The following AFF3 variants were observed in gnomAD, a reference collection of about 807,000 sequenced individuals.
The protein encoded by AFF3 is AF4/FMR2 family member 3.
AFF3 carries 32 observed loss-of-function variants against 129.7 expected under a neutral mutation model. The observed-to-expected ratio is 0.25, with a 90% CI of 0.19 to 0.33. The LOEUF (loss-of-function observed/expected upper bound fraction) is 0.33. Ranked by LOEUF, AFF3 falls within the 10% of genes least tolerant of loss-of-function variation. AFF3 has a pLI of 1.00. For missense variants in AFF3, 1,373 were observed against 1,592.0 expected (o/e 0.86, Z 2.34); for synonymous variants, 644 against 635.4 (o/e 1.01, Z -0.20).
chr2:99,930,605 G>C (rs1169113912), intron 7 of AFF3, among the ~76,000 whole-genome samples: 1 of 151,942 alleles, frequency 6.6e-6, no homozygotes, highest in Admixed American at 6.6e-5. Flanking sequence ...CTACATTTCT[G>C]CACTGGGGGA....
At chr2:99,587,880 C>T (rs1678286223) in intron 15 of AFF3, among the ~76,000 whole-genome samples, 1 of 151,824 alleles carries the variant, frequency 6.6e-6, no homozygotes, top group Admixed American at 6.6e-5. Flanking sequence ...TGTGGTGGTG[C>T]ACGCCTGTAG....
At chr2:99,581,419 G>A (rs1007835908) in intron 17 of AFF3, among the ~76,000 whole-genome samples, 1 of 152,146 alleles carries the variant, frequency 6.6e-6, no homozygotes, top group African/African-American at 2.4e-5. Flanking sequence ...TTAGGCTCTC[G>A]TGGGAACTTC....
chr2:99,649,708 A>C (rs748493636), intron 12 of AFF3, 42 bp from the exon 13 acceptor site: 1 of 1,610,230 alleles, frequency 6.2e-7, no homozygotes. Flanking sequence ...TAATATTCTG[A>C]CTTTTGAATT....
At chr2:99,804,542 C>T (rs1178530777) in intron 8 of AFF3, among the ~76,000 whole-genome samples, 2 of 152,164 alleles carry the variant, frequency 1.3e-5, no homozygotes, top group Non-Finnish European at 2.9e-5. Flanking sequence ...TCTCAAAGAA[C>T]TAAAAGTAGA....
intron 7 of AFF3, among the ~76,000 whole-genome samples, chr2:99,863,790 G>T (rs1265879436): frequency 6.6e-6 from 1 of 152,224 alleles, no homozygotes. Context: ...GGATACAGCA[G>T]ATGAAAGAAC....
At chr2:99,897,236 A>T (rs1316246083) in intron 7 of AFF3, among the ~76,000 whole-genome samples, 1 of 152,200 alleles carries the variant, frequency 6.6e-6, no homozygotes, top group Non-Finnish European at 1.5e-5. Context: ...GAATTTCAGG[A>T]CTTTTTATTC....
chr2:99,891,513 G>A (rs1421904496), intron 7 of AFF3, among the ~76,000 whole-genome samples: 1 of 152,204 alleles, frequency 6.6e-6, no homozygotes, highest in Non-Finnish European at 1.5e-5. Flanking sequence ...AGTCTGCCCA[G>A]CCCGGCAGGA....
intron 10 of AFF3, among the ~76,000 whole-genome samples, chr2:99,729,821 TC>T (rs1679667851): frequency 6.8e-6 from 1 of 148,050 alleles, no homozygotes; most frequent in East Asian, 2.1e-4. Flanking sequence ...CCTGTTTGTG[TC>T]AGCTGTTTTC....
intron 8 of AFF3, among the ~76,000 whole-genome samples, chr2:99,775,185 CA>C (rs1313390927): frequency 6.6e-6 from 1 of 152,156 alleles, no homozygotes; most frequent in African/African-American, 2.4e-5. Context: ...GGCAATTCCT[CA>C]AAGACCTAGA....
intron 7 of AFF3, among the ~76,000 whole-genome samples, chr2:99,945,557 T>C (rs982597016): frequency 3.3e-5 from 5 of 152,294 alleles, no homozygotes; most frequent in Admixed American, 2.6e-4. Context: ...TAACAGTTCC[T>C]GCTTTCTACT....
At chr2:99,844,299 G>A (rs1240553052) in intron 7 of AFF3, among the ~76,000 whole-genome samples, 1 of 151,896 alleles carries the variant, frequency 6.6e-6, no homozygotes, top group Non-Finnish European at 1.5e-5. Context: ...GGGGCATTTC[G>A]TACATTCACA....
At chr2:99,558,821 G>T in intron 22 of AFF3, 54 bp downstream of exon 22, 1 of 1,557,896 alleles carries the variant, frequency 6.4e-7, no homozygotes, top group South Asian at 1.1e-5. Context: ...TCACAAATTT[G>T]ACAGGGAGAC....
intron 7 of AFF3, among the ~76,000 whole-genome samples, chr2:99,999,257 G>GT (rs1160674227): frequency 1.2e-4 from 18 of 152,286 alleles, no homozygotes; most frequent in Admixed American, 6.5e-4. Flanking sequence ...ATTTCGCTTT[G>GT]TAACAGCAGC....
chr2:99,995,948 T>C (rs1036613222), intron 7 of AFF3, among the ~76,000 whole-genome samples: 3 of 152,198 alleles, frequency 2.0e-5, no homozygotes, highest in Non-Finnish European at 2.9e-5. Context: ...GGTTTATATA[T>C]GAGAATTGTT....
At chr2:99,594,562 TAG>T (rs1243300027) in intron 14 of AFF3, among the ~76,000 whole-genome samples, 1 of 152,218 alleles carries the variant, frequency 6.6e-6, no homozygotes, top group Non-Finnish European at 1.5e-5. Context: ...TGTGTCTCAT[TAG>T]AACCCATTTC....
chr2:99,888,239 A>T (rs1693267534), intron 7 of AFF3, among the ~76,000 whole-genome samples: 1 of 152,244 alleles, frequency 6.6e-6, no homozygotes, highest in Admixed American at 6.5e-5. Flanking sequence ...TGAAGAGAGC[A>T]GATGATGAAG....
chr2:99,659,881 A>G (rs1157486024), intron 12 of AFF3, among the ~76,000 whole-genome samples: 1 of 152,190 alleles, frequency 6.6e-6, no homozygotes, highest in Non-Finnish European at 1.5e-5. Context: ...TCCCTCCACC[A>G]GATGAAAGCA....
rs183571099 is a variant in AFF3, at chr2:99,550,653, C to T, written c.*821G>A. On this transcript the variant is annotated 3_prime_UTR_variant, in exon 25 of 25. Coordinates refer to ENST00000672756, the MANE Select transcript of AFF3 (RefSeq NM_001386135.1). ...TCACAGGTGCAGAAAACTTCAACTC[C>T]TAACTGAGCTCCAACACACAGGCAC... The T allele has an allele frequency of 1.4e-3, 329 of 232,834 alleles. 2 individuals are homozygous for T. Among genetic ancestry groups the T allele is most frequent in the Non-Finnish European group, 5.0e-4 (59 of 117,796 alleles). The allele number at this position is 232,834 out of a possible 1,614,324, so 14.4% of individuals were successfully genotyped here.
At chr2:99,952,947 G>C (rs1043021335) in intron 7 of AFF3, among the ~76,000 whole-genome samples, 1 of 152,170 alleles carries the variant, frequency 6.6e-6, no homozygotes, top group African/African-American at 2.4e-5. Flanking sequence ...TTACAGTGCT[G>C]TACTTACTCC....
Sources: gnomAD v4.1 joint callset for allele counts (sites outside exome capture counted in the v4.1 genomes callset) on GRCh38, gnomAD v4.1.1 for gene constraint, MANE v1.5 for transcripts, NCBI Gene and HGNC (gene_info 2026-07-23, HGNC 2026-07-21) for gene names.